Variants in OR51B5 observed in about 807,000 individuals in gnomAD.
OR51B5 encodes the protein olfactory receptor 51B5.
For synonymous variants in OR51B5, 186 were observed against 144.8 expected (o/e 1.28, Z -2.04); for missense variants, 456 against 374.6 (o/e 1.22, Z -1.79).
intron 1 of OR51B5, chr11:5,454,446 G>A: frequency 6.3e-7 from 1 of 1,581,982 alleles, no homozygotes; most frequent in Non-Finnish European, 8.6e-7. Context: ...CTTGGCTTTA[G>A]AATCTGTTAT....
At chr11:5,357,727 C>T (rs977452482) in intron 1 of OR51B5, among the ~76,000 whole-genome samples, 3 of 150,066 alleles carry the variant, frequency 2.0e-5, no homozygotes, top group Non-Finnish European at 3.0e-5. Flanking sequence ...CCAAAATTGA[C>T]CACATAGTTG....
chr11:5,460,419 G>C lies in OR51B5; in HGVS notation n.84+45150C>G, dbSNP rs369653145. On this transcript the variant is annotated intron_variant and non_coding_transcript_variant, in intron 1 of 4. Transcript: ENST00000415970. ...TTTTGAAAAAAGAAATTCTTCTACT[G>C]AATTTTTTATTTCTAGAAGTTCAGT... is the stretch of plus-strand genomic sequence containing the variant. Among the ~76,000 whole-genome samples the C allele has an allele frequency of 2.1e-4, 32 of 152,250 alleles. 2 individuals are homozygous for C. In the South Asian group the frequency reaches 3.9e-3, roughly 19 times the overall value.
chr11:5,455,706 G>A (rs936907707), intron 1 of OR51B5: 1 of 152,106 alleles, frequency 6.6e-6, no homozygotes, highest in Non-Finnish European at 1.5e-5. Flanking sequence ...AAAGCATATT[G>A]TTATCTAGAG....
chr11:5,402,881 T>C (rs1032740289), intron 1 of OR51B5: 4 of 471,306 alleles, frequency 8.5e-6, no homozygotes, highest in Non-Finnish European at 1.8e-5. Flanking sequence ...ATACTGAAAT[T>C]AGTCTTGAAG....
chr11:5,382,104 T>A (rs10837965), intron 1 of OR51B5, among the ~76,000 whole-genome samples: 19,390 of 152,276 alleles, frequency 0.13, 1,355 homozygotes, highest in Non-Finnish European at 0.16. Context: ...CATCAAAATG[T>A]GTACCATGTT....
intron 1 of OR51B5, among the ~76,000 whole-genome samples, chr11:5,465,205 CAAAA>C (rs34459420): frequency 1.5e-4 from 7 of 45,420 alleles, no homozygotes; most frequent in South Asian, 1.6e-3. Context: ...GACTCCGTCT[CAAAA>C]AAAAAAAAAA....
At chr11:5,349,613 A>G (rs1849044728) in intron 1 of OR51B5, among the ~76,000 whole-genome samples, 1 of 152,152 alleles carries the variant, frequency 6.6e-6, no homozygotes, top group African/African-American at 2.4e-5. Flanking sequence ...GATTATGGTA[A>G]TCATTTAACA....
chr11:5,477,611 T>C (rs1441400986), intron 1 of OR51B5, among the ~76,000 whole-genome samples: 1 of 152,074 alleles, frequency 6.6e-6, no homozygotes. Context: ...CGGGTTCATA[T>C]CACTAGGGAG....
chr11:5,487,189 G>A (rs1023057003), intron 1 of OR51B5, among the ~76,000 whole-genome samples: 2 of 152,044 alleles, frequency 1.3e-5, no homozygotes, highest in Non-Finnish European at 2.9e-5. Flanking sequence ...CTCTGGGATT[G>A]GTCTTTTCAT....
chr11:5,429,921 T>C (rs1279467502), intron 1 of OR51B5, among the ~76,000 whole-genome samples: 1 of 152,234 alleles, frequency 6.6e-6, no homozygotes, highest in Non-Finnish European at 1.5e-5. Flanking sequence ...TTTTATTTCA[T>C]GCTTCAGTTG....
chr11:5,351,508 A>G (rs1849085766), intron 1 of OR51B5: 3 of 1,605,614 alleles, frequency 1.9e-6, no homozygotes, highest in Non-Finnish European at 2.5e-6. Flanking sequence ...AAAGCTGGCA[A>G]TGGGGCTCAA....
chr11:5,473,214 G>A lies in OR51B5; in HGVS notation n.84+32355C>T, dbSNP rs1851254801. Among the ~76,000 whole-genome samples the A allele has an allele frequency of 2.6e-5, 4 of 152,098 alleles. No homozygotes were observed. In the South Asian group the frequency reaches 8.3e-4, roughly 32 times the overall value. On this transcript the variant is annotated intron_variant and non_coding_transcript_variant, in intron 1 of 4. Transcript: ENST00000415970. Reference sequence around the variant, plus strand: ...ATAAAGACTTGCCAATTTTTTATATGCCAGAAAAAAAATCTTGAATAAGGG... The same window carrying A: ...ATAAAGACTTGCCAATTTTTTATATACCAGAAAAAAAATCTTGAATAAGGG...
chr11:5,366,388 C>A (rs529575842), intron 1 of OR51B5, among the ~76,000 whole-genome samples: 1 of 152,184 alleles, frequency 6.6e-6, no homozygotes, highest in South Asian at 2.1e-4. Flanking sequence ...AGGAGGATCA[C>A]CTGAGGGCAA....
intron 1 of OR51B5, chr11:5,390,375 A>G: frequency 1.3e-6 from 2 of 1,590,962 alleles, no homozygotes; most frequent in Non-Finnish European, 1.7e-6. Context: ...AAGGCCAGTA[A>G]ATGAGTCCTG....
At chr11:5,463,183 T>C (rs1256892719) in intron 1 of OR51B5, among the ~76,000 whole-genome samples, 1 of 152,192 alleles carries the variant, frequency 6.6e-6, no homozygotes, top group Non-Finnish European at 1.5e-5. Flanking sequence ...GAATAGGCAA[T>C]TAATTAGTTC....
chr11:5,394,669 C>T (rs557165668), intron 1 of OR51B5, among the ~76,000 whole-genome samples: 1 of 152,290 alleles, frequency 6.6e-6, no homozygotes, highest in East Asian at 1.9e-4. Flanking sequence ...TCCCCTCTAT[C>T]TAAAATGTTA....
intron 1 of OR51B5, among the ~76,000 whole-genome samples, chr11:5,372,347 C>T (rs574327734): frequency 1.8e-3 from 281 of 152,014 alleles, no homozygotes; most frequent in African/African-American, 6.3e-3. Context: ...AACTTCCATA[C>T]GTTTTCTATA....
rs572795125 is a variant in OR51B5, at chr11:5,422,646, C to T, written n.85-75736G>A. 11 of 1,614,114 alleles carry T rather than the reference C, an allele frequency of 6.8e-6. No individual in the cohort carries two copies. In the South Asian group the frequency reaches 1.2e-4, roughly 18 times the overall value. Reference sequence around the variant, plus strand: ...GAAGTCATTGGTAGAACTGGGTTAGCCATCATTTGCTGCTGTGTTCTGGCG... The same window carrying T: ...GAAGTCATTGGTAGAACTGGGTTAGTCATCATTTGCTGCTGTGTTCTGGCG... On this transcript the variant is annotated intron_variant and non_coding_transcript_variant, in intron 1 of 4. Coordinates refer to the OR51B5 transcript ENST00000415970.
At chr11:5,483,403 C>T (rs2471986) in intron 1 of OR51B5, among the ~76,000 whole-genome samples, 45,871 of 127,544 alleles carry the variant, frequency 0.36, 9,475 homozygotes, top group East Asian at 0.75. Context: ...ATATACCTAA[C>T]GCTAGATGAC....
Sources: allele counts gnomAD v4.1 joint callset (sites outside exome capture counted in the v4.1 genomes callset), GRCh38; gene constraint gnomAD v4.1.1; transcripts MANE v1.5; gene names NCBI Gene and HGNC (gene_info 2026-07-23, HGNC 2026-07-21).